Variants in PTPRK observed in about 807,000 individuals in gnomAD.
PTPRK encodes the protein receptor-type tyrosine-protein phosphatase kappa.
In PTPRK, 75 loss-of-function variants were observed where a neutral mutation model predicts 178.0. The observed-to-expected ratio is 0.42, with a 90% CI of 0.35 to 0.51. The LOEUF is 0.51. Among genes scored for constraint, PTPRK ranks in the 20% least tolerant of loss-of-function variants. PTPRK has a pLI of 0.02. For missense variants in PTPRK, 1,441 were observed against 1,797.8 expected, an observed-to-expected ratio of 0.80 and a Z score of 3.59; for synonymous variants, 637 against 620.6, an observed-to-expected ratio of 1.03 and a Z score of -0.39.
At chr6:128,024,896 C>T (rs1371174776) in intron 13 of PTPRK, among the ~76,000 whole-genome samples, 1 of 152,068 alleles carries the variant, frequency 6.6e-6, no homozygotes, top group Non-Finnish European at 1.5e-5. Flanking sequence ...TTTTCAGGAT[C>T]ATTAGATTTT....
chr6:128,443,154 C>G (rs1041036595), intron 1 of PTPRK, among the ~76,000 whole-genome samples: 1 of 151,942 alleles, frequency 6.6e-6, no homozygotes, highest in Non-Finnish European at 1.5e-5. Context: ...TGAGGTCATT[C>G]TGAAAAACAG....
At position 127,996,970 on chromosome 6, in the gene PTPRK, A is replaced by G. The variant is rs1436009411; in HGVS notation, c.2698T>C (p.Ser900Pro). The part of the protein sequence containing the change: ...EEYESFFEGQ[S>P]ASWDVAKKDQ... ...TTTTTAGCTACATCCCAAGATGCTG[A>G]CTGTCCTTCAAAAAAGCTCTGGGAA... Residue 900 changes from serine to proline, a missense_variant, in exon 17 of 30, where the codon TCA becomes CCA. Ser to Pro is a moderately conservative substitution (Grantham distance 74, BLOSUM62 -1). This residue lies in a region of PTPRK where 945 missense variants were observed against 1,080.6 expected (regional missense o/e 0.87). Coordinates refer to ENST00000368226, the MANE Select transcript of PTPRK (RefSeq NM_002844.4). 1 of 1,611,742 alleles carries G rather than the reference A, an allele frequency of 6.2e-7. No individual in the cohort carries two copies. The highest frequency in any genetic ancestry group is 2.2e-5 in the East Asian group (1 of 44,738).
intron 5 of PTPRK, among the ~76,000 whole-genome samples, chr6:128,226,332 A>G (rs1322316066): frequency 6.6e-6 from 1 of 152,176 alleles, no homozygotes; most frequent in African/African-American, 2.4e-5. Flanking sequence ...AATCCAAACA[A>G]TATCTAAGCA....
rs538676599 is a variant in PTPRK, at chr6:128,103,902, C to T, written c.1163-13910G>A. 3.9e-5 allele frequency among the ~76,000 whole-genome samples: 6 copies of T among 152,268 alleles called. No homozygotes were observed. In the East Asian group the frequency reaches 1.2e-3, roughly 29 times the overall value. ...TCTGAATCACAGTAGGAGTGGAAGG[C>T]CAGGTCCTGCAGATGGTGTCTCCCC... On this transcript the variant is annotated intron_variant, in intron 7 of 29. Transcript: ENST00000368226.
intron 3 of PTPRK, among the ~76,000 whole-genome samples, chr6:128,295,159 A>G (rs901854586): frequency 3.9e-5 from 6 of 152,150 alleles, no homozygotes; most frequent in Non-Finnish European, 5.9e-5. Flanking sequence ...CAACATATGA[A>G]TACTTTCAAA....
chr6:128,173,626 T>C (rs1384905460), intron 7 of PTPRK, among the ~76,000 whole-genome samples: 1 of 151,968 alleles, frequency 6.6e-6, no homozygotes, highest in African/African-American at 2.4e-5. Flanking sequence ...TCCCCAATGT[T>C]TGAGCCCTTC....
intron 27 of PTPRK, among the ~76,000 whole-genome samples, 179 bp downstream of exon 27, chr6:127,976,478 C>A (rs1305131526): frequency 6.6e-6 from 1 of 152,148 alleles, no homozygotes; most frequent in Non-Finnish European, 1.5e-5. Flanking sequence ...TAGCTTCCAG[C>A]ATTTCTGTTT....
intron 1 of PTPRK, among the ~76,000 whole-genome samples, chr6:128,430,141 A>G (rs1844643834): frequency 6.6e-6 from 1 of 152,160 alleles, no homozygotes; most frequent in Admixed American, 6.5e-5. Flanking sequence ...ATTGTACTCC[A>G]CCAAGTCACT....
Position 128,512,981 on chromosome 6 carries a change from C to G in PTPRK, c.100+7278G>C, listed in dbSNP as rs867507375. 1.2e-4 allele frequency among the ~76,000 whole-genome samples: 19 copies of G among 152,226 alleles called. No homozygotes were observed. The Middle Eastern group carries it at 0.01, about 82-fold the overall frequency. ...ATAACATTATGCTAAAAATGATTTGCATATAGCATGTTTGGTTCCTTGAAG... is the reference window on the plus strand; with the variant it reads ...ATAACATTATGCTAAAAATGATTTGGATATAGCATGTTTGGTTCCTTGAAG... On this transcript the variant is annotated intron_variant, in intron 1 of 29. Transcript: ENST00000368226.
intron 7 of PTPRK, among the ~76,000 whole-genome samples, chr6:128,121,933 C>T (rs1235833366): frequency 1.3e-5 from 2 of 152,046 alleles, no homozygotes; most frequent in Non-Finnish European, 2.9e-5. Context: ...TTGTGACCAT[C>T]GTTAACCATG....
chr6:128,437,262 T>C (rs532642641), intron 1 of PTPRK, among the ~76,000 whole-genome samples: 1 of 152,312 alleles, frequency 6.6e-6, no homozygotes, highest in East Asian at 1.9e-4. Context: ...ATAAGCGTAA[T>C]ATAAGAAAGT....
chr6:128,378,012 C>G (rs1837344636), intron 2 of PTPRK, among the ~76,000 whole-genome samples: 1 of 152,094 alleles, frequency 6.6e-6, no homozygotes, highest in African/African-American at 2.4e-5. Context: ...CAGAAGTAAT[C>G]TGTGATCATG....
At chr6:128,352,253 C>CAAAAAAA (rs10665459) in intron 2 of PTPRK, among the ~76,000 whole-genome samples, 10 of 94,902 alleles carry the variant, frequency 1.1e-4, no homozygotes, top group African/African-American at 1.3e-4. Context: ...GACTTCATCT[C>CAAAAAAA]AAAAAAAAAA....
chr6:127,992,717 A>G lies in PTPRK; in HGVS notation c.2845-8T>C. 6.3e-7 allele frequency: 1 copy of G among 1,575,760 alleles called. No homozygotes were observed. Among genetic ancestry groups the G allele is most frequent in the Non-Finnish European group, 8.6e-7 (1 of 1,162,106 alleles). On this transcript the variant is annotated splice_polypyrimidine_tract_variant and splice_region_variant and intron_variant, in intron 18 of 29. Coordinates refer to ENST00000368226, the MANE Select transcript of PTPRK (RefSeq NM_002844.4). ...ACTTGGTCTCTGGTAGCCCTAAAAT[A>G]AGAGAACAAATTAGTTATCATTTTA...
intron 2 of PTPRK, among the ~76,000 whole-genome samples, chr6:128,377,395 C>T (rs950502473): frequency 7.9e-5 from 12 of 152,098 alleles, no homozygotes; most frequent in Admixed American, 3.3e-4. Context: ...TTCACTAACA[C>T]GAGAATAGCA....
At chr6:128,436,310 G>A (rs1054761912) in intron 1 of PTPRK, among the ~76,000 whole-genome samples, 66 of 152,196 alleles carry the variant, frequency 4.3e-4, no homozygotes, top group Middle Eastern at 3.4e-3. Flanking sequence ...TAATCCAACT[G>A]AAGGAAACTT....
intron 15 of PTPRK, among the ~76,000 whole-genome samples, chr6:128,003,424 A>G (rs926465940): frequency 6.6e-6 from 1 of 151,812 alleles, no homozygotes; most frequent in African/African-American, 2.4e-5. Flanking sequence ...AGGTGTATCT[A>G]TAATTATGGT....
chr6:128,464,641 A>ATATATATATATATATGTG lies in PTPRK; in HGVS notation c.100+55617_100+55618insCACATATATATATATATA, dbSNP rs1562576447. Among the ~76,000 whole-genome samples, 3 of 64,588 alleles carry ATATATATATATATATGTG rather than the reference A, an allele frequency of 4.6e-5. 1 individual carries two copies. In the East Asian group the frequency reaches 1.1e-3, roughly 24 times the overall value. The allele number at this position is 64,588 out of a possible 152,430, so 42.4% of individuals were successfully genotyped here. On this transcript the variant is annotated intron_variant, in intron 1 of 29. Transcript: ENST00000368226. ...TATACATATATATATATATACACAT[A>ATATATATATATATATGTG]TATATATATATATATATATATATAT...
chr6:128,380,553 CGTGTGTGT>C (rs1554246048), intron 2 of PTPRK, among the ~76,000 whole-genome samples: 1 of 146,288 alleles, frequency 6.8e-6, no homozygotes, highest in African/African-American at 2.5e-5. Flanking sequence ...CACACACACA[CGTGTGTGT>C]GTGTGTGTGT....
Sources: gnomAD v4.1 joint callset for allele counts (sites outside exome capture counted in the v4.1 genomes callset) on GRCh38, gnomAD v4.1.1 for gene constraint, gnomAD v4.1.1 regional missense constraint, MANE v1.5 for transcripts, NCBI Gene and HGNC (gene_info 2026-07-23, HGNC 2026-07-21) for gene names.